Variants in RSRC1 observed in about 807,000 individuals in gnomAD.
RSRC1 encodes the protein arginine and serine rich coiled-coil 1.
A neutral mutation model predicts 49.1 loss-of-function variants in RSRC1; 39 were observed. The observed-to-expected ratio is 0.79, with a 90% CI of 0.61 to 1.04. The LOEUF (loss-of-function observed/expected upper bound fraction) is 1.04, where lower values mean the gene tolerates loss of function less well. Ranked by LOEUF, RSRC1 falls within the 50% of genes least tolerant of loss-of-function variation. The probability of loss-of-function intolerance (pLI) is 0.00; values close to 1 mark genes in which losing one functional copy is unlikely to be tolerated. For synonymous variants in RSRC1, 143 were observed against 130.8 expected (o/e 1.09, Z -0.63); for missense variants, 388 against 402.4 (o/e 0.96, Z 0.31).
chr3:158,280,117 G>A (rs1726058904), intron 4 of RSRC1, among the ~76,000 whole-genome samples: 3 of 152,054 alleles, frequency 2.0e-5, no homozygotes, highest in South Asian at 4.1e-4. Context: ...AAATTTCCTA[G>A]TATAATTCAT....
chr3:158,518,148 A>ATATTTTTTTTTTT (rs1310027981), intron 7 of RSRC1, among the ~76,000 whole-genome samples: 5 of 44,138 alleles, frequency 1.1e-4, no homozygotes, highest in African/African-American at 6.2e-4. Flanking sequence ...ATATATATAT[A>ATATTTTTTTTTTT]TTTTTTTTTT....
chr3:158,394,054 C>CACATG (rs1733476280), intron 6 of RSRC1, among the ~76,000 whole-genome samples: 1 of 151,964 alleles, frequency 6.6e-6, no homozygotes, highest in Admixed American at 6.6e-5. Context: ...AAACAGAAAC[C>CACATG]ACATGATCAT....
chr3:158,401,571 C>T (rs1304255948), intron 6 of RSRC1, among the ~76,000 whole-genome samples: 4 of 151,956 alleles, frequency 2.6e-5, no homozygotes, highest in Non-Finnish European at 2.9e-5. Flanking sequence ...TATATAGCCA[C>T]TTCAAGATCA....
At chr3:158,533,444 T>G (rs1712526874) in intron 7 of RSRC1, among the ~76,000 whole-genome samples, 1 of 151,768 alleles carries the variant, frequency 6.6e-6, no homozygotes, top group Non-Finnish European at 1.5e-5. Context: ...AATGCTATTT[T>G]GTTAAGCATT....
intron 3 of RSRC1, among the ~76,000 whole-genome samples, chr3:158,186,563 G>A (rs1487986474): frequency 1.3e-5 from 2 of 151,958 alleles, no homozygotes; most frequent in Non-Finnish European, 2.9e-5. Context: ...TAGGAAGACT[G>A]ATGAGTGATG....
intron 6 of RSRC1, among the ~76,000 whole-genome samples, chr3:158,447,321 T>C (rs1220705725): frequency 2.0e-5 from 3 of 152,050 alleles, no homozygotes; most frequent in Non-Finnish European, 4.4e-5. Context: ...GCATTTCATA[T>C]TCCTGAAAGA....
chr3:158,285,425 G>T (rs527371574), intron 4 of RSRC1, among the ~76,000 whole-genome samples: 5 of 152,288 alleles, frequency 3.3e-5, no homozygotes, highest in Admixed American at 2.6e-4. Context: ...TGCCAATTCT[G>T]TGAAGAAAGT....
chr3:158,341,870 A>G lies in RSRC1; in HGVS notation c.532-12987A>G, dbSNP rs1210426732. On this transcript the variant is annotated intron_variant, in intron 5 of 9. Coordinates refer to ENST00000611884, the MANE Select transcript of RSRC1 (RefSeq NM_001271838.2). Reference sequence around the variant, plus strand: ...GGGTGGAGCTGCCCAAGACCATGGGAACCCACCTCTTGCATCAGCGTAATC... The same window carrying G: ...GGGTGGAGCTGCCCAAGACCATGGGGACCCACCTCTTGCATCAGCGTAATC... 2.6e-5 allele frequency among the ~76,000 whole-genome samples: 4 copies of G among 152,182 alleles called. No individual in the cohort carries two copies. In the East Asian group the frequency reaches 7.7e-4, roughly 29 times the overall value.
chr3:158,519,967 G>A (rs995505409), intron 7 of RSRC1, among the ~76,000 whole-genome samples: 3 of 152,056 alleles, frequency 2.0e-5, no homozygotes, highest in African/African-American at 7.2e-5. Flanking sequence ...AACCAGAAGT[G>A]TATGATGTCA....
intron 4 of RSRC1, among the ~76,000 whole-genome samples, chr3:158,267,171 A>G (rs1052513206): frequency 5.3e-5 from 8 of 152,172 alleles, no homozygotes; most frequent in Non-Finnish European, 7.3e-5. Context: ...GGTTGTTCCA[A>G]TGCCTTCTGG....
At chr3:158,447,510 A>T (rs1736787227) in intron 6 of RSRC1, among the ~76,000 whole-genome samples, 1 of 152,030 alleles carries the variant, frequency 6.6e-6, no homozygotes, top group Non-Finnish European at 1.5e-5. Context: ...ATTTCCACAC[A>T]GTTTTTAAAA....
chr3:158,449,761 G>T (rs1736917719), intron 6 of RSRC1, among the ~76,000 whole-genome samples: 1 of 151,910 alleles, frequency 6.6e-6, no homozygotes, highest in South Asian at 2.1e-4. Context: ...AATATGATTT[G>T]TGCCGTAATT....
At chr3:158,371,964 A>T (rs1401383326) in intron 6 of RSRC1, among the ~76,000 whole-genome samples, 2 of 151,746 alleles carry the variant, frequency 1.3e-5, no homozygotes, top group Non-Finnish European at 2.9e-5. Flanking sequence ...GAATGATGTT[A>T]AGCACTCTTA....
At chr3:158,256,864 G>A (rs1724591480) in intron 4 of RSRC1, among the ~76,000 whole-genome samples, 1 of 152,094 alleles carries the variant, frequency 6.6e-6, no homozygotes, top group African/African-American at 2.4e-5. Context: ...GTGTAGAGGT[G>A]TTTATAGTAT....
chr3:158,329,063 C>G (rs565030183), intron 5 of RSRC1, among the ~76,000 whole-genome samples: 3 of 152,180 alleles, frequency 2.0e-5, no homozygotes, highest in African/African-American at 7.2e-5. Context: ...TCACATAGTT[C>G]TTGTGCCATG....
chr3:158,383,508 ATATC>A (rs138507495), intron 6 of RSRC1, among the ~76,000 whole-genome samples: 20,413 of 152,082 alleles, frequency 0.13, 1,477 homozygotes, highest in Middle Eastern at 0.2. Context: ...ACAAGGGAAA[ATATC>A]TATCAAATCA....
At position 158,229,380 on chromosome 3, in the gene RSRC1, G is replaced by GTATATATATACACATATACACACGTA. The variant is rs1210853464; in HGVS notation, c.494+26138_494+26139insATATATACACATATACACACGTATAT. ...CACATATACACACGTATATGTGTAT[G>GTATATATATACACATATACACACGTA]TATGTGTATATATATACACATACAC... On this transcript the variant is annotated intron_variant, in intron 4 of 9. Transcript: ENST00000611884. Among the ~76,000 whole-genome samples, 33 of 97,854 alleles carry GTATATATATACACATATACACACGTA rather than the reference G, an allele frequency of 3.4e-4. 1 individual carries two copies. The highest frequency in any genetic ancestry group is 6.7e-4 in the Admixed American group (7 of 10,462). The allele number at this position is 97,854 out of a possible 152,430, so 64.2% of individuals were successfully genotyped here.
intron 4 of RSRC1, among the ~76,000 whole-genome samples, chr3:158,278,179 C>G (rs1725926829): frequency 6.6e-6 from 1 of 152,196 alleles, no homozygotes; most frequent in African/African-American, 2.4e-5. Context: ...ACGGACAAGT[C>G]CACAAGAGCA....
chr3:158,249,704 A>G (rs938679222), intron 4 of RSRC1, among the ~76,000 whole-genome samples: 2 of 152,012 alleles, frequency 1.3e-5, no homozygotes, highest in Non-Finnish European at 2.9e-5. Flanking sequence ...TGGGGCACGT[A>G]GTAGGTTTAT....
Sources: gnomAD v4.1 joint callset for allele counts (sites outside exome capture counted in the v4.1 genomes callset) on GRCh38, gnomAD v4.1.1 for gene constraint, MANE v1.5 for transcripts, NCBI Gene and HGNC (gene_info 2026-07-23, HGNC 2026-07-21) for gene names.